Variants in MAP4K5 observed in about 807,000 individuals in gnomAD.
MAP4K5 encodes mitogen-activated protein kinase kinase kinase kinase 5.
Under a neutral mutation model 135.6 loss-of-function variants are expected in MAP4K5, and 82 were observed. That is an observed-to-expected ratio of 0.60 (90% confidence interval 0.51 to 0.73). MAP4K5 has a LOEUF of 0.73. Among genes scored for constraint, MAP4K5 ranks in the 30% least tolerant of loss-of-function variants. MAP4K5 has a pLI of 0.00. For synonymous variants in MAP4K5, 347 were observed against 335.0 expected, an observed-to-expected ratio of 1.04 and a Z score of -0.39; for missense variants, 907 against 1,010.9, an observed-to-expected ratio of 0.90 and a Z score of 1.39.
chr14:50,510,330 T>C (rs1370426843), intron 2 of MAP4K5, among the ~76,000 whole-genome samples: 1 of 152,168 alleles, frequency 6.6e-6, no homozygotes, highest in African/African-American at 2.4e-5. Context: ...TACGTTCTCC[T>C]TTCCCCGCCT....
rs564843436 is a variant in MAP4K5 at position 50,560,474 on chromosome 14, C to A, written c.-180+566G>T. On this transcript the variant is annotated intron_variant, in intron 1 of 8. Coordinates refer to the MAP4K5 transcript ENST00000555216. ...GCGGAGGAACCATGGCCGAGCGGTA[C>A]CCGCGTCACCGAATCGCGCTGTCGG... 13 of 826,786 alleles carry A rather than the reference C, an allele frequency of 1.6e-5. No individual in the cohort carries two copies. In the African/African-American group the frequency reaches 2.0e-4, roughly 13 times the overall value. The allele number at this position is 826,786 out of a possible 1,614,324, so 51.2% of individuals were successfully genotyped here.
At chr14:50,522,999 C>G (rs896584797) in intron 2 of MAP4K5, among the ~76,000 whole-genome samples, 1 of 152,110 alleles carries the variant, frequency 6.6e-6, no homozygotes, top group Non-Finnish European at 1.5e-5. Flanking sequence ...AACCTACAAC[C>G]AACTGCTGAA....
At chr14:50,475,654 CTA>C (rs1566665457) in intron 8 of MAP4K5, among the ~76,000 whole-genome samples, 1 of 152,212 alleles carries the variant, frequency 6.6e-6, no homozygotes, top group African/African-American at 2.4e-5. Context: ...ACACAGTGAG[CTA>C]TGACTGAATC....
intron 28 of MAP4K5, 101 bp from the exon 29 acceptor site, chr14:50,429,361 T>C: frequency 1.5e-6 from 1 of 673,464 alleles, no homozygotes; most frequent in Non-Finnish European, 2.5e-6. Context: ...AATTGATCTT[T>C]GAAATTTAAC....
chr14:50,425,826 A>G, intron 31 of MAP4K5, 81 bp downstream of exon 31: 1 of 943,098 alleles, frequency 1.1e-6, no homozygotes, highest in Non-Finnish European at 1.7e-6. Context: ...ATGTAGGTTC[A>G]GAGAGGAAAT....
At chr14:50,557,309 A>G (rs1289156776) in intron 1 of MAP4K5, among the ~76,000 whole-genome samples, 1 of 152,166 alleles carries the variant, frequency 6.6e-6, no homozygotes, top group Non-Finnish European at 1.5e-5. Flanking sequence ...CCATTCTTCC[A>G]TTATTTCTAC....
intron 31 of MAP4K5, 142 bp from the exon 32 acceptor site, chr14:50,423,318 G>A (rs757854147): frequency 3.6e-4 from 185 of 510,104 alleles, no homozygotes; most frequent in Non-Finnish European, 3.7e-4. Flanking sequence ...ATTTTAGTAA[G>A]TTTTTTGATT....
chr14:50,533,705 G>T (rs905422746), upstream of MAP4K5, among the ~76,000 whole-genome samples: 1 of 152,164 alleles, frequency 6.6e-6, no homozygotes, highest in Non-Finnish European at 1.5e-5. Flanking sequence ...GGAGATGTTG[G>T]CTTGTGGCTT....
intron 1 of MAP4K5, among the ~76,000 whole-genome samples, chr14:50,550,905 G>A (rs990023320): frequency 2.6e-5 from 4 of 152,148 alleles, no homozygotes; most frequent in African/African-American, 9.7e-5. Context: ...ATGGTGCTAA[G>A]AGGGAAGGTC....
intron 13 of MAP4K5, among the ~76,000 whole-genome samples, chr14:50,458,936 G>A (rs926703471): frequency 5.3e-5 from 8 of 152,030 alleles, no homozygotes. Context: ...GGTCTCCCAG[G>A]TAGTTGGGAC....
At chr14:50,540,123 C>T (rs557637125) in intron 2 of MAP4K5, among the ~76,000 whole-genome samples, 62 of 152,266 alleles carry the variant, frequency 4.1e-4, no homozygotes, top group African/African-American at 1.4e-3. Context: ...ATTTTATATC[C>T]TGGTAGAGGT....
At chr14:50,494,704 T>C (rs2037557545) in intron 3 of MAP4K5, among the ~76,000 whole-genome samples, 1 of 151,986 alleles carries the variant, frequency 6.6e-6, no homozygotes, top group Non-Finnish European at 1.5e-5. Context: ...ATCAAAACAG[T>C]AGGGTACTGA....
At chr14:50,495,442 G>C (rs527968733) in intron 3 of MAP4K5, among the ~76,000 whole-genome samples, 53 of 152,330 alleles carry the variant, frequency 3.5e-4, no homozygotes, top group African/African-American at 1.3e-3. Context: ...GTGATGTGGA[G>C]AAGCTAGAAC....
chr14:50,484,442 C>T lies in MAP4K5; in HGVS notation c.322+1136G>A, dbSNP rs184401678. On this transcript the variant is annotated intron_variant, in intron 5 of 32. Coordinates refer to ENST00000682126, the MANE Select transcript of MAP4K5 (RefSeq NM_006575.6). ...TACTTCTGAGCTTTGCTTTCCCTCT[C>T]CTCTGGTAATGACTTAGTCAACTGG... 1.9e-4 allele frequency among the ~76,000 whole-genome samples: 29 copies of T among 152,228 alleles called. No homozygotes were observed. The East Asian group carries it at 5.6e-3, about 29-fold the overall frequency.
At chr14:50,493,046 A>G (rs1382327255) in intron 3 of MAP4K5, among the ~76,000 whole-genome samples, 2 of 151,928 alleles carry the variant, frequency 1.3e-5, no homozygotes, top group Non-Finnish European at 2.9e-5. Flanking sequence ...AAAAGGAAAA[A>G]AAAAAAGAGA....
intron 2 of MAP4K5, among the ~76,000 whole-genome samples, chr14:50,537,783 C>A (rs372846949): frequency 1.3e-5 from 2 of 152,318 alleles, no homozygotes; most frequent in South Asian, 4.1e-4. Flanking sequence ...TTGTTTTGGC[C>A]CATTTCTCCC....
At chr14:50,509,046 C>T (rs1468311060) in intron 2 of MAP4K5, among the ~76,000 whole-genome samples, 1 of 152,076 alleles carries the variant, frequency 6.6e-6, no homozygotes. Context: ...GAATACTATG[C>T]AGCCATAAAA....
intron 1 of MAP4K5, among the ~76,000 whole-genome samples, chr14:50,554,189 A>G (rs1359691060): frequency 2.0e-5 from 3 of 152,186 alleles, no homozygotes; most frequent in African/African-American, 7.2e-5. Flanking sequence ...GATGAAGAGA[A>G]CAGTGTCACA....
Position 50,466,545 on chromosome 14 carries a change from T to C in MAP4K5, c.737+38A>G, listed in dbSNP as rs573783099. The C allele has an allele frequency of 6.7e-5, 69 of 1,034,970 alleles. 1 individual carries two copies. The South Asian group carries it at 8.3e-4, about 12-fold the overall frequency. 64.1% of individuals were successfully genotyped at this position (1,034,970 alleles called of 1,614,324 possible). ...GGAACTGAATCTATACTCCTTTCGA[T>C]TGTAAAATTCTATAAAACTATATAT... On this transcript the variant is annotated intron_variant, in intron 11 of 32. Coordinates refer to ENST00000682126, the MANE Select transcript of MAP4K5 (RefSeq NM_006575.6).
Sources: gnomAD v4.1 joint callset for allele counts (sites outside exome capture counted in the v4.1 genomes callset) on GRCh38, gnomAD v4.1.1 for gene constraint, MANE v1.5 for transcripts, NCBI Gene and HGNC (gene_info 2026-07-23, HGNC 2026-07-21) for gene names.